CYP2J2: variants seen among roughly 807,000 people sequenced by gnomAD.
CYP2J2 encodes cytochrome P450 family 2 subfamily J member 2.
In CYP2J2, 41 loss-of-function variants were observed where a neutral mutation model predicts 48.8. The ratio of observed to expected loss-of-function variants is 0.84; its 90% confidence interval spans 0.66 to 1.09. The LOEUF is 1.09. CYP2J2 is among the 50% of genes least tolerant of loss of function. The pLI is 0.00. For missense variants in CYP2J2, 644 were observed against 617.3 expected, an observed-to-expected ratio of 1.04 and a Z score of -0.46; for synonymous variants, 221 against 227.1, an observed-to-expected ratio of 0.97 and a Z score of 0.24.
At chr1:59,938,661 G>T in the CYP2J2 span, among the ~76,000 whole-genome samples, 2 of 152,112 alleles carry the variant, frequency 1.3e-5, no homozygotes. Context: ...GCAGGCAGGA[G>T]AAAGAGACCT....
the CYP2J2 span, among the ~76,000 whole-genome samples, chr1:59,946,579 G>A: frequency 1.3e-5 from 2 of 152,070 alleles, no homozygotes; most frequent in Non-Finnish European, 2.9e-5. Flanking sequence ...GCCAATGATC[G>A]GTACACAGTA....
At chr1:59,930,965 C>T (rs1644600004), upstream of CYP2J2, among the ~76,000 whole-genome samples, 1 of 152,076 alleles carries the variant, frequency 6.6e-6, no homozygotes, top group Non-Finnish European at 1.5e-5. Flanking sequence ...AACTGCTATA[C>T]AAAGTATTTG....
At position 59,901,232 on chromosome 1, in the gene CYP2J2, T is replaced by A. The variant is rs1644317428; in HGVS notation, c.1192-129A>T. 3.4e-6 allele frequency: 3 copies of A among 876,984 alleles called. No homozygotes were observed. In the African/African-American group the frequency reaches 5.0e-5, roughly 15 times the overall value. The allele number at this position is 876,984 out of a possible 1,614,324, so 54.3% of individuals were successfully genotyped here. A position where few individuals can be genotyped will look rare whatever the true frequency, so the allele number is the denominator to read the frequency against. On this transcript the variant is annotated intron_variant, in intron 7 of 8. Transcript: ENST00000371204. ...ACTGCCCCACCCTCCCCAATTGTGG[T>A]ACACAGTCTCCTGTGTCCCCCAACC...
chr1:59,929,989 G>C (rs998872419), upstream of CYP2J2, among the ~76,000 whole-genome samples: 6 of 151,962 alleles, frequency 3.9e-5, no homozygotes, highest in African/African-American at 1.5e-4. Flanking sequence ...GAAAGACAAA[G>C]ACAAAGAGGA....
rs1644312629 is a variant in CYP2J2, at chr1:59,900,824, C to T, written c.1330+141G>A. ...CCCAGCCTTGGAAATCCCAGGGCTG[C>T]CCCCTACAGCAAGATGGAGTGAGTC... On this transcript the variant is annotated intron_variant, in intron 8 of 8. Transcript: ENST00000371204. 4 of 915,484 alleles carry T rather than the reference C, an allele frequency of 4.4e-6. No individual in the cohort carries two copies. In the South Asian group the frequency reaches 5.2e-5, roughly 12 times the overall value. 56.7% of individuals were successfully genotyped at this position (915,484 alleles called of 1,614,324 possible).
At chr1:59,928,615 G>A (rs1469474677), upstream of CYP2J2, among the ~76,000 whole-genome samples, 1 of 152,210 alleles carries the variant, frequency 6.6e-6, no homozygotes, top group Non-Finnish European at 1.5e-5. Context: ...TTCTAGGCAA[G>A]ACTGGCTAAG....
intron 2 of CYP2J2, among the ~76,000 whole-genome samples, chr1:59,914,488 C>T (rs1644446442): frequency 6.6e-6 from 1 of 152,146 alleles, no homozygotes; most frequent in Non-Finnish European, 1.5e-5. Context: ...AACCTCTTTG[C>T]CCCAATCTCT....
chr1:59,943,388 C>T, the CYP2J2 span, among the ~76,000 whole-genome samples: 2 of 152,150 alleles, frequency 1.3e-5, no homozygotes, highest in Non-Finnish European at 2.9e-5. Context: ...TACAACTCGT[C>T]CTCACCCCTG....
chr1:59,907,312 C>A (rs1015727962), intron 6 of CYP2J2, among the ~76,000 whole-genome samples: 3 of 152,082 alleles, frequency 2.0e-5, no homozygotes, highest in Non-Finnish European at 2.9e-5. Context: ...ATATAGACTG[C>A]AAAGAAAGTG....
upstream of CYP2J2, among the ~76,000 whole-genome samples, chr1:59,928,595 A>C (rs573576263): frequency 4.6e-5 from 7 of 152,322 alleles, no homozygotes; most frequent in East Asian, 1.4e-3. Context: ...GTCATGTTGC[A>C]GAAGCTCTAT....
chr1:59,942,834 T>G, the CYP2J2 span, among the ~76,000 whole-genome samples: 2 of 152,290 alleles, frequency 1.3e-5, no homozygotes, highest in South Asian at 4.2e-4. Flanking sequence ...ATAATAACAA[T>G]CATATCTTTT....
In CYP2J2 at chr1:59,912,195, G is replaced by A; in HGVS notation, c.490C>T (p.Gln164Ter). 6.2e-7 allele frequency: 1 copy of A among 1,613,720 alleles called. No homozygotes were observed. Among genetic ancestry groups the A allele is most frequent in the East Asian group, 2.2e-5 (1 of 44,866 alleles). ...SLEERIQEEA[Q>*]HLTEAIKEEN... The stretch of plus-strand genomic sequence containing the variant: ...TCTTTTATTGCTTCAGTGAGGTGTT[G>A]GGCCTCCTCCTGAATGCGTTCCTCT... The change falls in exon 3 of 9, where the codon CAA (glutamine) becomes TAA (stop). Residue 164 changes from glutamine (Q) to a stop codon, truncating the protein, a stop_gained. Transcript: ENST00000371204. LOFTEE classifies it high-confidence loss of function.
intron 8 of CYP2J2, 148 bp downstream of exon 8, chr1:59,900,817 A>C (rs1644312587): frequency 2.3e-6 from 2 of 859,188 alleles, no homozygotes; most frequent in Middle Eastern, 3.8e-4. Flanking sequence ...TGGAAATCCC[A>C]GGGCTGCCCC....
chr1:59,945,407 CATCTATCT>C, the CYP2J2 span, among the ~76,000 whole-genome samples: 3,669 of 148,890 alleles, frequency 0.025, 143 homozygotes, highest in African/African-American at 0.081. Context: ...CTCTTTCTGT[CATCTATCT>C]ATCTATCTAT....
At chr1:59,968,626 A>G in the CYP2J2 span, among the ~76,000 whole-genome samples, 1 of 152,238 alleles carries the variant, frequency 6.6e-6, no homozygotes, top group Non-Finnish European at 1.5e-5. Context: ...GAGCATGAGA[A>G]GTTTGTGTGG....
chr1:59,957,459 A>G, the CYP2J2 span, among the ~76,000 whole-genome samples: 1 of 152,124 alleles, frequency 6.6e-6, no homozygotes, highest in Admixed American at 6.5e-5. Flanking sequence ...CTCTGTGGAT[A>G]AACTGAAGCA....
chr1:59,915,872 G>C (rs889613999), intron 2 of CYP2J2, 66 bp downstream of exon 2: 2 of 1,440,740 alleles, frequency 1.4e-6, no homozygotes, highest in Non-Finnish European at 1.9e-6. Context: ...AGTCACCAAG[G>C]TGCCTTTAAC....
chr1:59,935,032 A>ATATATATATATATATACATATATATATG, the CYP2J2 span, among the ~76,000 whole-genome samples: 1 of 110,912 alleles, frequency 9.0e-6, no homozygotes, highest in Non-Finnish European at 1.9e-5. Context: ...ATATATATAT[A>ATATATATATATATATACATATATATATG]TATATATATA....
At chr1:59,927,240 C>T (rs1368212896), upstream of CYP2J2, among the ~76,000 whole-genome samples, 3 of 152,162 alleles carry the variant, frequency 2.0e-5, no homozygotes, top group Non-Finnish European at 4.4e-5. Context: ...AATAAATCCA[C>T]CCTTCTGAAA....
Sources: gnomAD v4.1 joint callset for allele counts (sites outside exome capture counted in the v4.1 genomes callset) on GRCh38, gnomAD v4.1.1 for gene constraint, MANE v1.5 for transcripts, NCBI Gene and HGNC (gene_info 2026-07-23, HGNC 2026-07-21) for gene names.